PLXNA4: variants seen among roughly 807,000 people sequenced by gnomAD.
PLXNA4 encodes plexin-A4.
Under a neutral mutation model 191.8 loss-of-function variants are expected in PLXNA4, and 44 were observed. The ratio of observed to expected loss-of-function variants is 0.23; its 90% CI spans 0.18 to 0.29. PLXNA4 has a LOEUF of 0.29. Among genes scored for constraint, PLXNA4 ranks in the 10% least tolerant of loss-of-function variants. The pLI is 1.00. For synonymous variants in PLXNA4, 1,082 were observed against 1,009.5 expected, an observed-to-expected ratio of 1.07 and a Z score of -1.36; for missense variants, 1,800 against 2,488.8, an observed-to-expected ratio of 0.72 and a Z score of 5.89.
chr7:132,170,921 C>T (rs1051444699), intron 21 of PLXNA4, among the ~76,000 whole-genome samples: 8 of 152,230 alleles, frequency 5.3e-5, no homozygotes, highest in African/African-American at 1.9e-4. Flanking sequence ...AAACAGGCTA[C>T]AGCAGGCCAC....
At chr7:132,226,838 T>G (rs1798341364) in intron 7 of PLXNA4, among the ~76,000 whole-genome samples, 1 of 152,210 alleles carries the variant, frequency 6.6e-6, no homozygotes, top group Admixed American at 6.5e-5. Flanking sequence ...AGCCTTGTTC[T>G]TTGCCTTCCC....
intron 3 of PLXNA4, among the ~76,000 whole-genome samples, chr7:132,449,222 CT>C (rs1413918457): frequency 3.3e-5 from 5 of 152,182 alleles, no homozygotes; most frequent in Non-Finnish European, 7.3e-5. Flanking sequence ...AGTTGGATGG[CT>C]TTGCTTCTTT....
At chr7:132,191,209 C>G (rs1455382756) in intron 14 of PLXNA4, among the ~76,000 whole-genome samples, 1 of 151,996 alleles carries the variant, frequency 6.6e-6, no homozygotes, top group Non-Finnish European at 1.5e-5. Context: ...ACAACAGGTT[C>G]AGAGAGAAAA....
intron 1 of PLXNA4, among the ~76,000 whole-genome samples, chr7:132,540,566 G>GTTTTT (rs1203493435): frequency 8.3e-4 from 41 of 49,484 alleles, no homozygotes; most frequent in Non-Finnish European, 1.3e-3. Context: ...AGTGTGGACC[G>GTTTTT]TTCTTTTTTT....
intron 4 of PLXNA4, among the ~76,000 whole-genome samples, chr7:132,245,346 T>C (rs966287671): frequency 1.3e-5 from 2 of 152,184 alleles, no homozygotes; most frequent in African/African-American, 2.4e-5. Flanking sequence ...TTGATTGATG[T>C]GGCTGCAACT....
At chr7:132,384,745 TACACACACACACACAC>T (rs10535106) in intron 3 of PLXNA4, 153 of 995,232 alleles carry the variant, frequency 1.5e-4, no homozygotes, top group African/African-American at 1.2e-3. Context: ...CAGATAAGCA[TACACACACACACACAC>T]ACACACACAC....
chr7:132,321,438 G>A (rs886697733), intron 3 of PLXNA4, among the ~76,000 whole-genome samples: 3 of 151,226 alleles, frequency 2.0e-5, no homozygotes, highest in African/African-American at 4.9e-5. Context: ...TGCTCATTGC[G>A]CTGGCTGTGA....
chr7:132,158,392 C>A (rs898029489), intron 25 of PLXNA4, among the ~76,000 whole-genome samples: 2 of 152,122 alleles, frequency 1.3e-5, no homozygotes, highest in African/African-American at 2.4e-5. Context: ...TCTGAGGGGT[C>A]CTCCCACCAC....
Position 132,132,463 on chromosome 7 carries a change from T to TTCTGTTCTGTTCTGTTCTGC in PLXNA4, c.5589+585_5589+586insGCAGAACAGAACAGAACAGA, listed in dbSNP as rs1563048301. On this transcript the variant is annotated intron_variant, in intron 31 of 31. Transcript: ENST00000321063. ...TTCTGTTCTGTTCTGTTCTGTTCTG[T>TTCTGTTCTGTTCTGTTCTGC]TCTGCTCTGCTCTGCTCTGCTCTGC... Among the ~76,000 whole-genome samples, 287 of 65,546 alleles carry TTCTGTTCTGTTCTGTTCTGC rather than the reference T, an allele frequency of 4.4e-3. 3 individuals are homozygous for TTCTGTTCTGTTCTGTTCTGC. Among genetic ancestry groups the TTCTGTTCTGTTCTGTTCTGC allele is most frequent in the African/African-American group, 0.014 (271 of 19,376 alleles). 43.0% of individuals were successfully genotyped at this position (65,546 alleles called of 152,430 possible).
At chr7:132,341,401 A>G (rs139125273) in intron 3 of PLXNA4, among the ~76,000 whole-genome samples, 19 of 152,366 alleles carry the variant, frequency 1.2e-4, no homozygotes, top group African/African-American at 4.6e-4. Context: ...AGAAGCATTC[A>G]ATTTCAGAGA....
Position 132,485,114 on chromosome 7 carries a change from G to C in PLXNA4, c.1371+4178C>G, listed in dbSNP as rs1003918893. 6 of 1,511,522 alleles carry C rather than the reference G, an allele frequency of 4.0e-6. No homozygotes were observed. The Admixed American group carries it at 6.1e-5, about 15-fold the overall frequency. 93.6% of individuals were successfully genotyped at this position (1,511,522 alleles called of 1,614,324 possible). ...ACAATTCCCAATAAGAATGGTTTTT[G>C]TACTATATACTCCTATTGCCTCTTC... On this transcript the variant is annotated intron_variant, in intron 3 of 31. Coordinates refer to ENST00000321063, the MANE Select transcript of PLXNA4 (RefSeq NM_020911.2).
At chr7:132,329,459 T>C (rs942635217) in intron 3 of PLXNA4, among the ~76,000 whole-genome samples, 4 of 152,172 alleles carry the variant, frequency 2.6e-5, no homozygotes, top group Non-Finnish European at 5.9e-5. Flanking sequence ...TGCTCAGCCC[T>C]GTGCCTGCCA....
chr7:132,523,665 G>A (rs1279621933), intron 1 of PLXNA4, among the ~76,000 whole-genome samples: 1 of 152,226 alleles, frequency 6.6e-6, no homozygotes, highest in Non-Finnish European at 1.5e-5. Flanking sequence ...TGTAGAGAAT[G>A]GTTTTTGGGT....
At chr7:132,632,551 A>G (rs946720820) in intron 2 of PLXNA4, among the ~76,000 whole-genome samples, 3 of 152,196 alleles carry the variant, frequency 2.0e-5, no homozygotes, top group Non-Finnish European at 2.9e-5. Context: ...CTCCCGGGAT[A>G]GAAATGTAGC....
chr7:132,472,876 C>T (rs912402150), intron 3 of PLXNA4, among the ~76,000 whole-genome samples: 2 of 152,210 alleles, frequency 1.3e-5, no homozygotes, highest in African/African-American at 2.4e-5. Context: ...CTGCTCTCCT[C>T]AGAGTCCCCA....
intron 2 of PLXNA4, among the ~76,000 whole-genome samples, chr7:132,590,202 A>G (rs1427209863): frequency 6.6e-6 from 1 of 152,230 alleles, no homozygotes; most frequent in Non-Finnish European, 1.5e-5. Flanking sequence ...AAAGTGAACT[A>G]AGGCACAGGC....
In PLXNA4 at chr7:132,168,581, A is replaced by G. The variant is rs1796191535; in HGVS notation, c.4018-9T>C. 3.2e-6 allele frequency: 5 copies of G among 1,559,574 alleles called. No homozygotes were observed. Among genetic ancestry groups the G allele is most frequent in the Non-Finnish European group, 4.3e-6 (5 of 1,149,960 alleles). The stretch of plus-strand genomic sequence containing the variant: ...TGCCGGTAGCCCGGGACCTGCAGAG[A>G]GACCTAGGAGTCGTGATGCCATTGG... On this transcript the variant is annotated splice_polypyrimidine_tract_variant and intron_variant, in intron 21 of 31. Transcript: ENST00000321063.
At chr7:132,575,364 T>C (rs1022949909) in intron 1 of PLXNA4, among the ~76,000 whole-genome samples, 2 of 152,140 alleles carry the variant, frequency 1.3e-5, no homozygotes, top group Non-Finnish European at 2.9e-5. Flanking sequence ...GCTTGGGCTC[T>C]GGGGGACGCT....
At chr7:132,248,672 A>G (rs1799142137) in intron 4 of PLXNA4, among the ~76,000 whole-genome samples, 2 of 152,288 alleles carry the variant, frequency 1.3e-5, no homozygotes, top group South Asian at 4.1e-4. Context: ...CACGCTGGCC[A>G]TGCTCTTTTA....
Sources: gnomAD v4.1 joint callset for allele counts (sites outside exome capture counted in the v4.1 genomes callset) on GRCh38, gnomAD v4.1.1 for gene constraint, MANE v1.5 for transcripts, NCBI Gene and HGNC (gene_info 2026-07-23, HGNC 2026-07-21) for gene names.